NEMF: variants seen among roughly 807,000 people sequenced by gnomAD.
The protein encoded by NEMF is nuclear export mediator factor, also known as ribosome quality control complex subunit NEMF.
A neutral mutation model predicts 162.2 loss-of-function variants in NEMF; 89 were observed. The observed-to-expected ratio is 0.55, with a 90% CI of 0.46 to 0.65. The LOEUF (loss-of-function observed/expected upper bound fraction) is 0.65, where lower values mean the gene tolerates loss of function less well. Ranked by LOEUF, NEMF falls within the 30% of genes least tolerant of loss-of-function variation. The pLI, the probability that NEMF is intolerant of heterozygous loss-of-function variation, is 0.00. For synonymous variants in NEMF, 421 were observed against 404.5 expected (o/e 1.04, Z -0.49); for missense variants, 1,133 against 1,261.9 (o/e 0.90, Z 1.55).
chr14:49,805,540 T>C (rs1891148194), intron 19 of NEMF, among the ~76,000 whole-genome samples: 1 of 150,448 alleles, frequency 6.6e-6, no homozygotes, highest in Admixed American at 6.6e-5. Flanking sequence ...ACAACATCAT[T>C]AACCACAAAG....
At chr14:49,790,165 G>A (rs1438374235) in intron 26 of NEMF, among the ~76,000 whole-genome samples, 4 of 151,942 alleles carry the variant, frequency 2.6e-5, no homozygotes, top group Non-Finnish European at 5.9e-5. Context: ...CCCTAAACAG[G>A]ACACAAACAC....
intron 4 of NEMF, among the ~76,000 whole-genome samples, chr14:49,841,578 GAAAAAAAAA>G (rs535773426): frequency 1.6e-4 from 12 of 73,316 alleles, no homozygotes; most frequent in Admixed American, 3.9e-4. Flanking sequence ...CTCGTCTTAA[GAAAAAAAAA>G]AAAAAAAAAA....
intron 3 of NEMF, among the ~76,000 whole-genome samples, chr14:49,850,077 C>A (rs749658853): frequency 1.3e-5 from 2 of 152,050 alleles, no homozygotes; most frequent in Non-Finnish European, 1.5e-5. Context: ...GTATGGAGTT[C>A]TAATATGTGT....
chr14:49,804,905 C>A (rs532902419), intron 19 of NEMF, among the ~76,000 whole-genome samples: 61 of 152,060 alleles, frequency 4.0e-4, no homozygotes, highest in African/African-American at 1.5e-3. Context: ...TGGGACACTC[C>A]TGTAGTCCCA....
intron 7 of NEMF, chr14:49,834,107 TGAGATGGGG>T: frequency 1.8e-6 from 1 of 564,900 alleles, no homozygotes; most frequent in African/African-American, 1.9e-5. Flanking sequence ...TGGGGTTTTT[TGAGATGGGG>T]GTCTCACTCT....
chr14:49,805,318 T>C (rs1329500912), intron 19 of NEMF, among the ~76,000 whole-genome samples: 1 of 152,074 alleles, frequency 6.6e-6, no homozygotes, highest in Non-Finnish European at 1.5e-5. Flanking sequence ...AAAAGTATGA[T>C]AAGAAATCAA....
chr14:49,803,497 C>A (rs1891045889), intron 19 of NEMF, among the ~76,000 whole-genome samples: 1 of 151,008 alleles, frequency 6.6e-6, no homozygotes, highest in African/African-American at 2.4e-5. Flanking sequence ...AAGAAAAAAA[C>A]AAAGAATCCA....
chr14:49,851,797 A>AT lies in NEMF; in HGVS notation c.128+9dup, dbSNP rs1893791347. The AT allele has an allele frequency of 6.6e-7, 1 of 1,518,298 alleles. No homozygotes were observed. The allele number at this position is 1,518,298 out of a possible 1,614,324, so 94.1% of individuals were successfully genotyped here. On this transcript the variant is annotated intron_variant, in intron 2 of 32. Coordinates refer to ENST00000298310, the MANE Select transcript of NEMF (RefSeq NM_004713.6). The stretch of plus-strand genomic sequence containing the variant: ...GTCAAAGAGAAAATAAGCCTATAAA[A>AT]TGTTCTTACTTTTGAAGACGAATAA...
intron 16 of NEMF, 139 bp from the exon 17 acceptor site, chr14:49,814,996 A>T (rs1891650718): frequency 1.7e-6 from 1 of 587,162 alleles, no homozygotes; most frequent in Non-Finnish European, 2.9e-6. Context: ...GCTTAATTTT[A>T]CTAAAAACCT....
chr14:49,815,692 C>T (rs946169650), intron 16 of NEMF, among the ~76,000 whole-genome samples: 3 of 152,072 alleles, frequency 2.0e-5, no homozygotes, highest in African/African-American at 7.2e-5. Flanking sequence ...CAGCTGGACA[C>T]GGTGCCTCAC....
At position 49,802,573 on chromosome 14, in the gene NEMF, C is replaced by A. The variant is rs538027812; in HGVS notation, c.1975G>T (p.Val659Leu). Residue 659 changes from valine to leucine, a missense_variant and splice_region_variant, in exon 22 of 33, where the codon GTA (valine) becomes TTA (leucine). By Grantham distance (32) the Val-to-Leu change is conservative. Coordinates refer to ENST00000298310, the MANE Select transcript of NEMF (RefSeq NM_004713.6). Reference sequence around the variant, plus strand: ...TGTCTCCAAACACAAGACTCATCTACCTAAAGAAACAGTTATTTTTCAGTG... The same window carrying A: ...TGTCTCCAAACACAAGACTCATCTAACTAAAGAAACAGTTATTTTTCAGTG... Reference protein sequence around the residue: ...LMMGFSFLFKVDESCVWRHQG... With the variant: ...LMMGFSFLFKLDESCVWRHQG... The A allele has an allele frequency of 2.5e-6, 4 of 1,613,144 alleles. 1 individual carries two copies. Among genetic ancestry groups the A allele is most frequent in the South Asian group, 2.2e-5 (2 of 90,882 alleles).
chr14:49,834,527 A>G, intron 6 of NEMF, 78 bp from the exon 7 acceptor site: 6 of 1,045,422 alleles, frequency 5.7e-6, no homozygotes, highest in South Asian at 5.6e-5. Flanking sequence ...ATGGAGTTTT[A>G]CCCGTCGCCC....
At chr14:49,803,317 A>C (rs1045438186) in intron 19 of NEMF, 23 bp from the exon 20 acceptor site, 7 of 1,510,070 alleles carry the variant, frequency 4.6e-6, no homozygotes, top group Non-Finnish European at 6.4e-6. Flanking sequence ...ATAATACATT[A>C]TATTCTTATT....
intron 18 of NEMF, among the ~76,000 whole-genome samples, chr14:49,808,269 T>C (rs1194885398): frequency 6.6e-6 from 1 of 151,962 alleles, no homozygotes; most frequent in Non-Finnish European, 1.5e-5. Flanking sequence ...GCCTCCAGGG[T>C]CCAAGCGATT....
intron 3 of NEMF, among the ~76,000 whole-genome samples, chr14:49,850,483 A>G (rs1006850324): frequency 1.3e-5 from 2 of 152,214 alleles, no homozygotes; most frequent in Admixed American, 1.3e-4. Context: ...AAATTCCAAG[A>G]GGTTAAGTAA....
chr14:49,795,374 G>GGGGGCA (rs1404101474), intron 26 of NEMF, among the ~76,000 whole-genome samples: 90 of 146,630 alleles, frequency 6.1e-4, no homozygotes, highest in African/African-American at 2.0e-3. Context: ...GTGGGGAGGT[G>GGGGGCA]GGGGCAGGGG....
At chr14:49,851,242 A>G (rs966811803) in intron 3 of NEMF, among the ~76,000 whole-genome samples, 2 of 152,206 alleles carry the variant, frequency 1.3e-5, no homozygotes, top group Non-Finnish European at 2.9e-5. Context: ...AAACAAAAAA[A>G]TTAACGTTGG....
intron 16 of NEMF, chr14:49,820,566 C>G (rs1297293570): frequency 2.2e-6 from 1 of 450,714 alleles, no homozygotes; most frequent in East Asian, 7.0e-5. Context: ...GTCAGGAGTT[C>G]GAGACTAGCC....
At chr14:49,816,823 T>C (rs1891738697) in intron 16 of NEMF, among the ~76,000 whole-genome samples, 1 of 152,080 alleles carries the variant, frequency 6.6e-6, no homozygotes, top group South Asian at 2.1e-4. Flanking sequence ...GACAAAGACA[T>C]AGGGACAAAA....
Sources: allele counts gnomAD v4.1 joint callset (sites outside exome capture counted in the v4.1 genomes callset), GRCh38; gene constraint gnomAD v4.1.1; transcripts MANE v1.5; gene names NCBI Gene and HGNC (gene_info 2026-07-23, HGNC 2026-07-21).